XNDC1N: variants seen among roughly 807,000 people sequenced by gnomAD.
XNDC1N encodes protein XNDC1N.
the XNDC1N span, among the ~76,000 whole-genome samples, chr11:71,876,112 G>A: frequency 3.9e-5 from 6 of 152,194 alleles, no homozygotes; most frequent in African/African-American, 1.4e-4. Flanking sequence ...AAAGCTGTCA[G>A]TACTGCTGAA....
chr11:71,921,820 C>T, the XNDC1N span, among the ~76,000 whole-genome samples: 1 of 151,980 alleles, frequency 6.6e-6, no homozygotes, highest in Non-Finnish European at 1.5e-5. Context: ...GTGGAAAACA[C>T]GAAGTTTGAA....
At chr11:71,907,044 G>T in the XNDC1N span, among the ~76,000 whole-genome samples, 4,881 of 152,202 alleles carry the variant, frequency 0.032, 68 homozygotes, top group East Asian at 0.077. Context: ...AGGAGATTAA[G>T]AATAATGGCA....
chr11:71,924,817 T>C, the XNDC1N span, among the ~76,000 whole-genome samples: 11 of 152,216 alleles, frequency 7.2e-5, no homozygotes, highest in African/African-American at 2.4e-4. Flanking sequence ...TCACCTTACT[T>C]CAACAATTCC....
the XNDC1N span, chr11:71,893,354 G>T: frequency 1.1e-4 from 66 of 611,738 alleles, 1 homozygote; most frequent in South Asian, 1.2e-3. Context: ...GCGGTGTATG[G>T]TCCGCAAGTG....
At chr11:71,911,911 C>A in the XNDC1N span, among the ~76,000 whole-genome samples, 4 of 152,082 alleles carry the variant, frequency 2.6e-5, no homozygotes, top group African/African-American at 9.7e-5. Context: ...TGATCTTGGA[C>A]CTACTTCTTC....
chr11:71,871,677 T>A, the XNDC1N span, among the ~76,000 whole-genome samples: 22 of 152,178 alleles, frequency 1.4e-4, no homozygotes, highest in Non-Finnish European at 2.6e-4. Flanking sequence ...TAATAATTTG[T>A]TAATAAATAA....
the XNDC1N span, among the ~76,000 whole-genome samples, chr11:71,895,403 C>A: frequency 2.0e-5 from 3 of 146,830 alleles, no homozygotes; most frequent in Non-Finnish European, 4.5e-5. Context: ...TCTGCCTCCC[C>A]TATTCAAGCA....
the XNDC1N span, among the ~76,000 whole-genome samples, chr11:71,901,052 G>T: frequency 2.6e-5 from 4 of 152,134 alleles, no homozygotes; most frequent in African/African-American, 9.7e-5. Context: ...CTAGACCAGT[G>T]GGTGCCACAA....
the XNDC1N span, among the ~76,000 whole-genome samples, chr11:71,914,726 T>C: frequency 2.7e-5 from 4 of 149,880 alleles, no homozygotes; most frequent in African/African-American, 9.8e-5. Context: ...GAACTAGAAA[T>C]AGAAATGGAA....
chr11:71,883,345 A>T, the XNDC1N span, among the ~76,000 whole-genome samples: 76 of 152,348 alleles, frequency 5.0e-4, 1 homozygote, highest in East Asian at 9.8e-3. Flanking sequence ...AAAATGTATT[A>T]TAAAGATAGA....
the XNDC1N span, chr11:71,894,133 G>T: frequency 1.9e-6 from 1 of 513,504 alleles, no homozygotes; most frequent in Non-Finnish European, 3.2e-6. Context: ...CTATAAAATC[G>T]TCCCCTCCAT....
the XNDC1N span, among the ~76,000 whole-genome samples, chr11:71,909,257 C>T: frequency 0.015 from 2,272 of 148,878 alleles, 28 homozygotes; most frequent in Middle Eastern, 0.049. Flanking sequence ...GTAAGGAAAA[C>T]GGCAAAGAGA....
the XNDC1N span, among the ~76,000 whole-genome samples, chr11:71,913,885 A>G: frequency 1.1e-4 from 17 of 152,214 alleles, no homozygotes; most frequent in African/African-American, 4.1e-4. Flanking sequence ...CCTGTGCTCT[A>G]TAAATGGAAC....
At chr11:71,917,669 CAGTT>C in the XNDC1N span, 1 of 703,334 alleles carries the variant, frequency 1.4e-6, no homozygotes, top group Non-Finnish European at 2.6e-6. Flanking sequence ...TGCTTTGAAT[CAGTT>C]AGAGACATTA....
the XNDC1N span, among the ~76,000 whole-genome samples, chr11:71,907,445 C>T: frequency 8.4e-5 from 11 of 130,438 alleles, no homozygotes; most frequent in South Asian, 1.4e-3. Flanking sequence ...CCCCACGATG[C>T]GGGGAGTAAG....
At chr11:71,902,283 C>T in the XNDC1N span, among the ~76,000 whole-genome samples, 6 of 152,196 alleles carry the variant, frequency 3.9e-5, no homozygotes, top group Admixed American at 3.9e-4. Flanking sequence ...TCTCTGCCTC[C>T]CAGGTTCAAG....
chr11:71,896,044 G>A, the XNDC1N span, among the ~76,000 whole-genome samples: 7 of 152,162 alleles, frequency 4.6e-5, no homozygotes, highest in Admixed American at 2.6e-4. Flanking sequence ...CTAAGAGGCC[G>A]AGTCACACAG....
chr11:71,898,916 A>G, the XNDC1N span, among the ~76,000 whole-genome samples: 1 of 152,250 alleles, frequency 6.6e-6, no homozygotes, highest in East Asian at 1.9e-4. Context: ...AATTTTTAAT[A>G]TTTATATGTG....
the XNDC1N span, among the ~76,000 whole-genome samples, chr11:71,885,205 A>G: frequency 6.6e-6 from 1 of 151,958 alleles, no homozygotes; most frequent in Non-Finnish European, 1.5e-5. Context: ...ACTCCCTGGG[A>G]TATCGCGTGT....
Sources: allele counts gnomAD v4.1 joint callset (sites outside exome capture counted in the v4.1 genomes callset), GRCh38; gene constraint gnomAD v4.1.1; transcripts MANE v1.5; gene names NCBI Gene and HGNC (gene_info 2026-07-23, HGNC 2026-07-21).